The following ANKIB1 variants were observed in gnomAD, a reference collection of about 807,000 sequenced individuals.
ANKIB1 encodes ankyrin repeat and IBR domain containing 1.
A neutral mutation model predicts 122.1 loss-of-function variants in ANKIB1; 43 were observed. The ratio of observed to expected loss-of-function variants is 0.35; its 90% CI spans 0.28 to 0.45. ANKIB1 has a LOEUF of 0.45. Ranked by LOEUF, ANKIB1 falls within the 20% of genes least tolerant of loss-of-function variation. The probability of loss-of-function intolerance (pLI) is 1.00; values close to 1 mark genes in which losing one functional copy is unlikely to be tolerated. For synonymous variants in ANKIB1, 390 were observed against 442.0 expected (o/e 0.88, Z 1.48); for missense variants, 992 against 1,329.5 (o/e 0.75, Z 3.95).
intron 5 of ANKIB1, among the ~76,000 whole-genome samples, chr7:92,342,680 A>G (rs938301141): frequency 1.3e-5 from 2 of 152,208 alleles, no homozygotes; most frequent in Admixed American, 6.5e-5. Flanking sequence ...TTTTGGAAAG[A>G]GTAAAGAAGC....
At chr7:92,329,899 C>T (rs889811817) in intron 5 of ANKIB1, among the ~76,000 whole-genome samples, 1 of 152,188 alleles carries the variant, frequency 6.6e-6, no homozygotes, top group Non-Finnish European at 1.5e-5. Flanking sequence ...ATTCTTCTTT[C>T]ACCCAACTAA....
chr7:92,312,559 T>C (rs1195480742), intron 3 of ANKIB1, among the ~76,000 whole-genome samples: 3 of 152,164 alleles, frequency 2.0e-5, no homozygotes, highest in Non-Finnish European at 4.4e-5. Context: ...GACATCACCA[T>C]TTGAATTGCT....
chr7:92,334,648 G>A (rs539555889), intron 5 of ANKIB1, among the ~76,000 whole-genome samples: 2 of 151,862 alleles, frequency 1.3e-5, no homozygotes, highest in East Asian at 3.9e-4. Context: ...GACTCTAAAA[G>A]TAATAAATAT....
chr7:92,304,866 A>C (rs186324088), intron 2 of ANKIB1, among the ~76,000 whole-genome samples: 35 of 152,280 alleles, frequency 2.3e-4, no homozygotes, highest in African/African-American at 8.4e-4. Context: ...TATAAAAAAA[A>C]TTACCCATAT....
intron 2 of ANKIB1, among the ~76,000 whole-genome samples, chr7:92,296,230 T>G (rs1411831604): frequency 1.3e-5 from 2 of 152,108 alleles, no homozygotes; most frequent in Non-Finnish European, 2.9e-5. Context: ...ACCTAATTTT[T>G]TTTTTTAATA....
chr7:92,317,708 GT>G (rs1444965270), intron 3 of ANKIB1, among the ~76,000 whole-genome samples: 2 of 152,160 alleles, frequency 1.3e-5, no homozygotes, highest in African/African-American at 4.8e-5. Context: ...ATATAAGCCC[GT>G]TGTTTTGTAA....
chr7:92,344,119 A>G (rs1261791769), intron 6 of ANKIB1, among the ~76,000 whole-genome samples: 1 of 147,690 alleles, frequency 6.8e-6, no homozygotes, highest in Non-Finnish European at 1.5e-5. Context: ...CGCAAAAGTG[A>G]TTGCAGCTTT....
intron 9 of ANKIB1, among the ~76,000 whole-genome samples, chr7:92,358,277 A>G (rs1803867626): frequency 1.3e-5 from 2 of 152,228 alleles, no homozygotes; most frequent in Admixed American, 1.3e-4. Context: ...TCTTTAATTC[A>G]CAGTCCATGC....
intron 10 of ANKIB1, among the ~76,000 whole-genome samples, chr7:92,370,479 G>C (rs1804214933): frequency 8.1e-6 from 1 of 124,182 alleles, no homozygotes. Flanking sequence ...CTGCACTCCA[G>C]CCTGGGTGAC....
chr7:92,287,001 A>G (rs1435272530), intron 1 of ANKIB1, among the ~76,000 whole-genome samples: 1 of 152,166 alleles, frequency 6.6e-6, no homozygotes, highest in Non-Finnish European at 1.5e-5. Flanking sequence ...TCCTGTTTCT[A>G]TTCATGCCTT....
chr7:92,279,550 G>A (rs1254671502), intron 1 of ANKIB1, among the ~76,000 whole-genome samples: 3 of 152,144 alleles, frequency 2.0e-5, no homozygotes, highest in Admixed American at 6.5e-5. Flanking sequence ...GCCCACAGAG[G>A]GGTGTCCTAA....
chr7:92,274,670 A>G (rs987307965), intron 1 of ANKIB1, among the ~76,000 whole-genome samples: 3 of 152,096 alleles, frequency 2.0e-5, no homozygotes, highest in African/African-American at 7.2e-5. Context: ...TTTTTGGCCA[A>G]GTGTGGTGGC....
chr7:92,274,380 A>G (rs554477892), intron 1 of ANKIB1, among the ~76,000 whole-genome samples: 4 of 152,310 alleles, frequency 2.6e-5, no homozygotes, highest in South Asian at 2.1e-4. Flanking sequence ...AGTTTGTAGT[A>G]AAGAACCTAA....
intron 1 of ANKIB1, among the ~76,000 whole-genome samples, chr7:92,287,867 C>T (rs1802164792): frequency 6.6e-6 from 1 of 151,982 alleles, no homozygotes; most frequent in Admixed American, 6.6e-5. Flanking sequence ...AACCCCATCT[C>T]TACTAAAAAT....
At chr7:92,331,269 T>C (rs957224433) in intron 5 of ANKIB1, among the ~76,000 whole-genome samples, 1 of 125,332 alleles carries the variant, frequency 8.0e-6, no homozygotes, top group Non-Finnish European at 1.6e-5. Flanking sequence ...ACATCACTTC[T>C]TTTTTTTTTT....
At chr7:92,390,196 TA>T in intron 15 of ANKIB1, 80 bp downstream of exon 15, 1 of 1,080,712 alleles carries the variant, frequency 9.3e-7, no homozygotes, top group Non-Finnish European at 1.3e-6. Context: ...CCACTTGTTT[TA>T]TTTAATGTGG....
intron 1 of ANKIB1, among the ~76,000 whole-genome samples, chr7:92,276,033 A>T (rs1801896384): frequency 6.6e-6 from 1 of 152,220 alleles, no homozygotes. Flanking sequence ...TATATATAAT[A>T]AAAAAGTTTT....
chr7:92,362,684 T>G (rs977356920), intron 10 of ANKIB1, among the ~76,000 whole-genome samples: 3 of 152,254 alleles, frequency 2.0e-5, no homozygotes, highest in Non-Finnish European at 4.4e-5. Flanking sequence ...AGTTAATTTC[T>G]TGCTGTTATG....
rs562074693 is a variant in ANKIB1 at position 92,258,766 on chromosome 7, T to G, written c.-91+12247T>G. Among the ~76,000 whole-genome samples the G allele has an allele frequency of 2.6e-5, 4 of 152,186 alleles. No individual in the cohort carries two copies. In the East Asian group the frequency reaches 7.7e-4, roughly 29 times the overall value. The stretch of plus-strand genomic sequence containing the variant: ...ATTAATCTGGCAGCCATTTGCAGGA[T>G]GGGTTGGAATGGGAAAAGACAGAGT... On this transcript the variant is annotated intron_variant, in intron 1 of 19. Coordinates refer to ENST00000265742, the MANE Select transcript of ANKIB1 (RefSeq NM_019004.2).
Sources: gnomAD v4.1 joint callset for allele counts (sites outside exome capture counted in the v4.1 genomes callset) on GRCh38, gnomAD v4.1.1 for gene constraint, MANE v1.5 for transcripts, NCBI Gene and HGNC (gene_info 2026-07-23, HGNC 2026-07-21) for gene names.